ALG9: variants seen among roughly 807,000 people sequenced by gnomAD.
ALG9 encodes alpha-1,2-mannosyltransferase ALG9.
ALG9 carries 55 observed loss-of-function variants against 81.8 expected under a neutral mutation model. The ratio of observed to expected loss-of-function variants is 0.67; its 90% CI spans 0.54 to 0.84. ALG9 has a LOEUF of 0.84. Ranked by LOEUF, ALG9 falls within the 40% of genes least tolerant of loss-of-function variation. ALG9 has a pLI of 0.00. For synonymous variants in ALG9, 278 were observed against 274.3 expected, an observed-to-expected ratio of 1.01 and a Z score of -0.13; for missense variants, 629 against 745.0, an observed-to-expected ratio of 0.84 and a Z score of 1.81.
At chr11:111,840,947 C>T in intron 9 of ALG9, 138 bp from the exon 10 acceptor site, 1 of 1,025,374 alleles carries the variant, frequency 9.8e-7, no homozygotes, top group South Asian at 1.4e-5. Flanking sequence ...TGTATTCACA[C>T]TTTCTCCAAT....
intron 13 of ALG9, among the ~76,000 whole-genome samples, chr11:111,812,379 G>A (rs1245679110): frequency 6.6e-6 from 1 of 152,124 alleles, no homozygotes; most frequent in Non-Finnish European, 1.5e-5. Flanking sequence ...ATAAGCCTAG[G>A]CAAGACAGTG....
the ALG9 span, among the ~76,000 whole-genome samples, chr11:111,771,871 C>T: frequency 2.6e-5 from 4 of 152,120 alleles, no homozygotes; most frequent in African/African-American, 9.7e-5. Context: ...ATATTTTAGC[C>T]TTCTTTTTCT....
At chr11:111,826,256 C>T (rs1379954723) in intron 13 of ALG9, among the ~76,000 whole-genome samples, 1 of 151,330 alleles carries the variant, frequency 6.6e-6, no homozygotes, top group Non-Finnish European at 1.5e-5. Flanking sequence ...TATGGTGGTG[C>T]AGGTCCATAG....
In ALG9 at chr11:111,871,551, G is replaced by A. The variant is rs1592472228; in HGVS notation, c.-69C>T. ...TGAGCGCGCAGACATAGCTTTGGCT[G>A]GCAAACGGTGTCCGCCGAGGGACAA... is the stretch of plus-strand genomic sequence containing the variant. On this transcript the variant is annotated 5_prime_UTR_variant, in exon 1 of 15. Transcript: ENST00000616540. The A allele has an allele frequency of 7.8e-6, 12 of 1,533,506 alleles. No individual in the cohort carries two copies. In the East Asian group the frequency reaches 2.9e-4, roughly 38 times the overall value. 95.0% of individuals were successfully genotyped at this position (1,533,506 alleles called of 1,614,324 possible). A position where few individuals can be genotyped will look rare whatever the true frequency, so the allele number is the denominator to read the frequency against.
At chr11:111,836,136 G>C in intron 13 of ALG9, 29 bp downstream of exon 13, 1 of 1,613,266 alleles carries the variant, frequency 6.2e-7, no homozygotes. Context: ...ATTCTTTTCA[G>C]AGAAGCAAGA....
chr11:111,868,021 A>G (rs1963049615), intron 3 of ALG9, among the ~76,000 whole-genome samples: 1 of 152,216 alleles, frequency 6.6e-6, no homozygotes, highest in South Asian at 2.1e-4. Flanking sequence ...TGACATTCAC[A>G]TCATCAAAGT....
chr11:111,845,670 T>G (rs1357885805), intron 8 of ALG9, among the ~76,000 whole-genome samples: 1 of 152,184 alleles, frequency 6.6e-6, no homozygotes, highest in African/African-American at 2.4e-5. Flanking sequence ...CTCTGTATGA[T>G]TACTTCAATC....
At chr11:111,804,992 C>T (rs1949709550) in intron 14 of ALG9, 2 of 234,396 alleles carry the variant, frequency 8.5e-6, no homozygotes, top group Non-Finnish European at 1.7e-5. Context: ...TATGTCCACA[C>T]AAAAACCTGC....
intron 3 of ALG9, among the ~76,000 whole-genome samples, chr11:111,868,051 G>A (rs911201970): frequency 8.6e-5 from 13 of 152,038 alleles, no homozygotes; most frequent in African/African-American, 1.2e-4. Context: ...AGAGGAAACC[G>A]GACAGGGCTG....
At chr11:111,803,855 G>A (rs1949516298) in intron 14 of ALG9, among the ~76,000 whole-genome samples, 1 of 151,974 alleles carries the variant, frequency 6.6e-6, no homozygotes, top group Non-Finnish European at 1.5e-5. Flanking sequence ...AGTATAGTCT[G>A]GGCATGGTGG....
At chr11:111,800,290 C>G (rs1297343261) in intron 14 of ALG9, among the ~76,000 whole-genome samples, 1 of 151,764 alleles carries the variant, frequency 6.6e-6, no homozygotes, top group Non-Finnish European at 1.5e-5. Context: ...ACCATCCTGG[C>G]TAACATGGTA....
At chr11:111,858,631 A>G (rs1959085239) in intron 5 of ALG9, among the ~76,000 whole-genome samples, 1 of 152,202 alleles carries the variant, frequency 6.6e-6, no homozygotes, top group African/African-American at 2.4e-5. Context: ...AGGACAGAGT[A>G]CAGGGTCTCT....
At chr11:111,848,289 C>T (rs138977197) in intron 8 of ALG9, among the ~76,000 whole-genome samples, 5 of 152,080 alleles carry the variant, frequency 3.3e-5, no homozygotes, top group African/African-American at 1.2e-4. Flanking sequence ...CTTTATTTTC[C>T]CCAGCTTCAA....
Position 111,837,587 on chromosome 11 carries a change from T to C in ALG9, c.1353A>G (p.Pro451=). The C allele has an allele frequency of 6.2e-7, 1 of 1,614,164 alleles. No individual in the cohort carries two copies. Among genetic ancestry groups the C allele is most frequent in the Non-Finnish European group, 8.5e-7 (1 of 1,179,998 alleles). Residue 451 remains proline (P), a synonymous_variant, in exon 12 of 15, where the codon CCA becomes CCG. Transcript: ENST00000616540. The part of the protein sequence containing the change: ...RGYHGPLDLY[P]EFYRIATDPT... Reference sequence around the variant, plus strand: ...GGTCTGTAGCAATTCGGTAAAATTCTGGATACAAATCAAGGGGCCCGTGAT... The same window carrying C: ...GGTCTGTAGCAATTCGGTAAAATTCCGGATACAAATCAAGGGGCCCGTGAT...
intron 3 of ALG9, among the ~76,000 whole-genome samples, chr11:111,865,724 A>G (rs782708070): frequency 1.6e-4 from 25 of 152,228 alleles, no homozygotes; most frequent in Non-Finnish European, 2.2e-4. Flanking sequence ...AATATTATTT[A>G]TACATCAGTT....
intron 10 of ALG9, 21 bp downstream of exon 10, chr11:111,840,634 A>G (rs1400869535): frequency 1.2e-6 from 2 of 1,613,784 alleles, no homozygotes; most frequent in Non-Finnish European, 1.7e-6. Flanking sequence ...TGAGGCAGAT[A>G]CACTTCTCCC....
chr11:111,837,317 A>G, intron 12 of ALG9, 151 bp downstream of exon 12: 3 of 865,834 alleles, frequency 3.5e-6, no homozygotes, highest in Non-Finnish European at 5.3e-6. Flanking sequence ...GCAGGTACAC[A>G]GTACACAGGC....
chr11:111,847,457 G>T (rs1957107680), intron 8 of ALG9, among the ~76,000 whole-genome samples: 1 of 152,144 alleles, frequency 6.6e-6, no homozygotes, highest in Admixed American at 6.5e-5. Flanking sequence ...TCTTTCTGAG[G>T]CAAGAGTATT....
chr11:111,870,824 G>C (rs1964086327), intron 1 of ALG9: 1 of 1,005,826 alleles, frequency 9.9e-7, no homozygotes, highest in African/African-American at 1.7e-5. Flanking sequence ...TCTTAACAAG[G>C]TCATTGCTTT....
Sources: allele counts gnomAD v4.1 joint callset (sites outside exome capture counted in the v4.1 genomes callset), GRCh38; gene constraint gnomAD v4.1.1; transcripts MANE v1.5; gene names NCBI Gene and HGNC (gene_info 2026-07-23, HGNC 2026-07-21).